Variants in MGMT observed in about 807,000 individuals in gnomAD.
MGMT encodes O-6-methylguanine-DNA methyltransferase, also known as methylated-DNA--protein-cysteine methyltransferase.
In MGMT, 14 loss-of-function variants were observed where a neutral mutation model predicts 15.9. That is an observed-to-expected ratio of 0.88 (90% CI 0.58 to 1.37). The LOEUF (loss-of-function observed/expected upper bound fraction) is 1.37, where lower values mean the gene tolerates loss of function less well. Ranked by LOEUF, MGMT falls within the 40% of genes most tolerant of loss-of-function variation. The pLI is 0.00. For missense variants in MGMT, 282 were observed against 268.1 expected (o/e 1.05, Z -0.36); for synonymous variants, 130 against 118.2 (o/e 1.10, Z -0.65).
At chr10:129,512,337 T>G (rs1276106843) in intron 1 of MGMT, among the ~76,000 whole-genome samples, 1 of 152,234 alleles carries the variant, frequency 6.6e-6, no homozygotes, top group Non-Finnish European at 1.5e-5. Context: ...AACAAGTGTT[T>G]GCTATGCTCA....
intron 2 of MGMT, among the ~76,000 whole-genome samples, chr10:129,561,792 A>G (rs140635870): frequency 2.6e-5 from 4 of 152,320 alleles, no homozygotes; most frequent in Non-Finnish European, 5.9e-5. Context: ...GACCAGGTCC[A>G]TGGGTTGCTT....
At chr10:129,632,321 T>G (rs548741961) in intron 2 of MGMT, among the ~76,000 whole-genome samples, 2 of 152,322 alleles carry the variant, frequency 1.3e-5, no homozygotes, top group South Asian at 4.1e-4. Context: ...GCCTTGTACT[T>G]GATAGAGCAC....
intron 2 of MGMT, among the ~76,000 whole-genome samples, chr10:129,691,702 C>T (rs1439272355): frequency 6.6e-6 from 1 of 152,010 alleles, no homozygotes; most frequent in Non-Finnish European, 1.5e-5. Flanking sequence ...GACACTGGAG[C>T]GAAGGTGCAC....
chr10:129,744,195 C>T (rs1186395563), intron 3 of MGMT, among the ~76,000 whole-genome samples: 4 of 152,310 alleles, frequency 2.6e-5, no homozygotes, highest in Admixed American at 1.3e-4. Flanking sequence ...GGTCAGTGAG[C>T]GCTGGGACTC....
At chr10:129,757,172 C>T (rs1016242834) in intron 3 of MGMT, among the ~76,000 whole-genome samples, 5 of 152,210 alleles carry the variant, frequency 3.3e-5, no homozygotes, top group African/African-American at 1.2e-4. Flanking sequence ...GAAATGGTTT[C>T]CCATGAGAAA....
intron 3 of MGMT, among the ~76,000 whole-genome samples, chr10:129,752,447 T>A (rs745943211): frequency 2.6e-5 from 4 of 152,088 alleles, no homozygotes; most frequent in Non-Finnish European, 2.9e-5. Flanking sequence ...TATCTTTTCC[T>A]TGGCATGGTT....
intron 2 of MGMT, among the ~76,000 whole-genome samples, chr10:129,589,445 A>G (rs1350800993): frequency 6.6e-6 from 1 of 152,228 alleles, no homozygotes; most frequent in African/African-American, 2.4e-5. Context: ...CTCAGGTCGA[A>G]TTTGGATTCT....
intron 2 of MGMT, among the ~76,000 whole-genome samples, chr10:129,649,370 A>C (rs1437141236): frequency 1.3e-5 from 2 of 152,168 alleles, no homozygotes; most frequent in Non-Finnish European, 2.9e-5. Context: ...ACTTAGAAAA[A>C]AAAATAAGAT....
At chr10:129,492,441 G>GT (rs1382437884) in intron 1 of MGMT, among the ~76,000 whole-genome samples, 2 of 152,108 alleles carry the variant, frequency 1.3e-5, no homozygotes, top group African/African-American at 4.8e-5. Flanking sequence ...CCCCAGTCTC[G>GT]TAAGTGCTAT....
chr10:129,539,724 T>C (rs1036244755), intron 2 of MGMT, among the ~76,000 whole-genome samples: 3 of 152,140 alleles, frequency 2.0e-5, no homozygotes, highest in African/African-American at 7.2e-5. Context: ...GCCAGGATGG[T>C]CTCCATCTCC....
intron 3 of MGMT, chr10:129,715,724 A>G (rs1049385689): frequency 6.6e-6 from 1 of 152,240 alleles, no homozygotes; most frequent in East Asian, 1.9e-4. Flanking sequence ...TATGTTATCA[A>G]TACGTTAAAT....
At position 129,578,944 on chromosome 10, in the gene MGMT, G is replaced by A. The variant is rs540935047; in HGVS notation, c.125+42567G>A. Among the ~76,000 whole-genome samples, 10 of 143,132 alleles carry A rather than the reference G, an allele frequency of 7.0e-5. 1 individual carries two copies. The South Asian group carries it at 2.2e-3, about 31-fold the overall frequency. The allele number at this position is 143,132 out of a possible 152,430, so 93.9% of individuals were successfully genotyped here. ...ATTTTATAAACTTTAAAGTGCCATG[G>A]ACATCAGTCATTTGTGCATTTGTGA... On this transcript the variant is annotated intron_variant, in intron 2 of 4. Coordinates refer to ENST00000651593, the MANE Select transcript of MGMT (RefSeq NM_002412.5).
chr10:129,565,168 C>T (rs563367405), intron 2 of MGMT, among the ~76,000 whole-genome samples: 226 of 152,202 alleles, frequency 1.5e-3, no homozygotes, highest in Admixed American at 2.6e-3. Context: ...TGGGGCCCGG[C>T]GCGAAAACAG....
chr10:129,599,164 T>C (rs185785199), intron 2 of MGMT, among the ~76,000 whole-genome samples: 3 of 152,294 alleles, frequency 2.0e-5, no homozygotes, highest in Non-Finnish European at 2.9e-5. Context: ...AACAGCCAGA[T>C]TGGTTACAGC....
chr10:129,534,956 C>G (rs1265912656), intron 1 of MGMT, among the ~76,000 whole-genome samples: 1 of 152,152 alleles, frequency 6.6e-6, no homozygotes, highest in Non-Finnish European at 1.5e-5. Flanking sequence ...ACCTCTGCCA[C>G]TGTAGCACGG....
chr10:129,479,872 G>T (rs944300732), intron 1 of MGMT, among the ~76,000 whole-genome samples: 9 of 152,082 alleles, frequency 5.9e-5, no homozygotes, highest in South Asian at 2.1e-4. Context: ...GAGCCTTTTT[G>T]CACAGTTAAA....
chr10:129,473,676 A>G (rs1400792808), intron 1 of MGMT, among the ~76,000 whole-genome samples: 1 of 152,246 alleles, frequency 6.6e-6, no homozygotes, highest in African/African-American at 2.4e-5. Flanking sequence ...AGACCTGTTT[A>G]TGTAGCTAAT....
intron 3 of MGMT, among the ~76,000 whole-genome samples, chr10:129,746,260 CA>C (rs1328825082): frequency 1.3e-4 from 19 of 141,152 alleles, no homozygotes; most frequent in Middle Eastern, 3.6e-3. Flanking sequence ...AAAAAACAAA[CA>C]AAAAAAAACA....
chr10:129,479,814 A>G (rs1308650417), intron 1 of MGMT, among the ~76,000 whole-genome samples: 1 of 151,698 alleles, frequency 6.6e-6, no homozygotes, highest in Non-Finnish European at 1.5e-5. Context: ...GTGGGGTGGG[A>G]TCTGTGTTTG....
Sources: gnomAD v4.1 joint callset for allele counts (sites outside exome capture counted in the v4.1 genomes callset) on GRCh38, gnomAD v4.1.1 for gene constraint, MANE v1.5 for transcripts, NCBI Gene and HGNC (gene_info 2026-07-23, HGNC 2026-07-21) for gene names.